Variants in NDUFA10 observed in about 807,000 individuals in gnomAD.
NDUFA10 encodes the protein NADH:ubiquinone oxidoreductase subunit A10.
NDUFA10 carries 40 observed loss-of-function variants against 47.8 expected under a neutral mutation model. The ratio of observed to expected loss-of-function variants is 0.84; its 90% CI spans 0.65 to 1.09. The LOEUF is 1.09. NDUFA10 is among the 50% of genes least tolerant of loss of function. The pLI is 0.00. For synonymous variants in NDUFA10, 183 were observed against 172.2 expected, an observed-to-expected ratio of 1.06 and a Z score of -0.49; for missense variants, 413 against 451.1, an observed-to-expected ratio of 0.92 and a Z score of 0.76.
At position 239,944,790 on chromosome 2, in the gene NDUFA10, C is replaced by G. The variant is rs1694416691; in HGVS notation, c.294+45284G>C. Among the ~76,000 whole-genome samples, 3 of 152,150 alleles carry G rather than the reference C, an allele frequency of 2.0e-5. No individual in the cohort carries two copies. The South Asian group carries it at 6.2e-4, about 32-fold the overall frequency. ...GCTCAAGGAGCAAGCTCTGTCCACG[C>G]CCAGAGCCACCTGCCCCTGTCCCCA... On this transcript the variant is annotated intron_variant, in intron 4 of 5. Coordinates refer to the NDUFA10 transcript ENST00000419408.
intron 4 of NDUFA10, among the ~76,000 whole-genome samples, chr2:239,903,730 C>A (rs1260220820): frequency 6.6e-6 from 1 of 152,176 alleles, no homozygotes; most frequent in Non-Finnish European, 1.5e-5. Flanking sequence ...AATTTCCTTC[C>A]CCATTGTCAA....
intron 1 of NDUFA10, among the ~76,000 whole-genome samples, chr2:240,022,873 C>T (rs564264262): frequency 3.0e-4 from 46 of 152,264 alleles, no homozygotes; most frequent in Non-Finnish European, 6.3e-4. Context: ...ATATCCTAGC[C>T]CCCAAGTCTG....
At chr2:239,943,664 C>G (rs1239810627) in intron 4 of NDUFA10, among the ~76,000 whole-genome samples, 1 of 152,200 alleles carries the variant, frequency 6.6e-6, no homozygotes, top group East Asian at 1.9e-4. Flanking sequence ...AGGGACAAAT[C>G]TTAGTCTCAT....
chr2:240,020,452 C>T (rs934631035), intron 3 of NDUFA10, among the ~76,000 whole-genome samples: 16 of 152,228 alleles, frequency 1.1e-4, no homozygotes, highest in Non-Finnish European at 2.2e-4. Context: ...TGCGGTCCAA[C>T]TCTCAGGATG....
intron 4 of NDUFA10, among the ~76,000 whole-genome samples, chr2:239,927,983 C>G (rs1366096333): frequency 1.3e-5 from 2 of 152,176 alleles, no homozygotes; most frequent in Admixed American, 6.5e-5. Context: ...TTTGCAATTT[C>G]TTGTGCATGT....
intron 9 of NDUFA10, among the ~76,000 whole-genome samples, chr2:239,974,310 G>A (rs926768405): frequency 6.6e-6 from 1 of 152,176 alleles, no homozygotes; most frequent in Non-Finnish European, 1.5e-5. Flanking sequence ...GTGGACAGGT[G>A]CCTGAGAGCC....
At chr2:239,991,339 A>G (rs1696238760) in intron 8 of NDUFA10, among the ~76,000 whole-genome samples, 2 of 152,228 alleles carry the variant, frequency 1.3e-5, no homozygotes, top group Non-Finnish European at 2.9e-5. Context: ...CCCCTCCAAG[A>G]AACTGCTGCC....
At chr2:239,982,019 G>C in intron 9 of NDUFA10, 1 of 1,504,456 alleles carries the variant, frequency 6.6e-7, no homozygotes, top group Non-Finnish European at 9.0e-7. Flanking sequence ...ATAACCGGCT[G>C]CCAACTACCT....
chr2:239,977,870 C>G (rs962646026), intron 9 of NDUFA10, among the ~76,000 whole-genome samples: 32 of 152,206 alleles, frequency 2.1e-4, no homozygotes, highest in African/African-American at 7.7e-4. Flanking sequence ...GCTCGCAGCA[C>G]CCTGGATGTA....
At chr2:240,007,117 A>G (rs990787496) in intron 7 of NDUFA10, among the ~76,000 whole-genome samples, 199 bp downstream of exon 7, 2 of 152,242 alleles carry the variant, frequency 1.3e-5, no homozygotes, top group Admixed American at 6.5e-5. Context: ...CAGATCGTAG[A>G]AACCGAATTA....
At chr2:239,993,568 A>C (rs2106449487) in intron 8 of NDUFA10, among the ~76,000 whole-genome samples, 1 of 152,340 alleles carries the variant, frequency 6.6e-6, no homozygotes, top group East Asian at 1.9e-4. Context: ...ATTCAGACCT[A>C]TGACTAAATG....
intron 8 of NDUFA10, among the ~76,000 whole-genome samples, chr2:239,990,496 A>G (rs1696200668): frequency 6.6e-6 from 1 of 152,242 alleles, no homozygotes; most frequent in African/African-American, 2.4e-5. Flanking sequence ...AGTGTGCTTT[A>G]AACACAGGAA....
Position 240,021,244 on chromosome 2 carries a change from C to T in NDUFA10, c.413G>A (p.Ser138Asn), listed in dbSNP as rs772552448. The change falls in exon 3 of 10, where the codon AGT (serine) becomes AAT (asparagine). Residue 138 changes from serine to asparagine, a missense_variant. Coordinates refer to ENST00000252711, the MANE Select transcript of NDUFA10 (RefSeq NM_004544.4). ...SYRLQSWLYS[S>N]RLLQYSDALE... ...GGCATCTGAGTACTGCAGCAGGCGA[C>T]TGCTGTACAACCAGGACTGCAGGCG... The T allele has an allele frequency of 2.5e-6, 4 of 1,614,118 alleles. No individual in the cohort carries two copies. The African/African-American group carries it at 4.0e-5, about 16-fold the overall frequency.
intron 9 of NDUFA10, chr2:239,973,410 A>C: frequency 2.3e-6 from 1 of 434,328 alleles, no homozygotes; most frequent in Non-Finnish European, 4.6e-6. Flanking sequence ...AACATATTAA[A>C]GTTAATAAAA....
At chr2:239,978,412 T>C (rs2106422906) in intron 9 of NDUFA10, among the ~76,000 whole-genome samples, 1 of 152,298 alleles carries the variant, frequency 6.6e-6, no homozygotes, top group Non-Finnish European at 1.5e-5. Context: ...CTGAAGCTCC[T>C]CTACAGGCTC....
At chr2:239,980,109 G>C (rs1695709768) in intron 9 of NDUFA10, among the ~76,000 whole-genome samples, 1 of 152,096 alleles carries the variant, frequency 6.6e-6, no homozygotes. Flanking sequence ...CAAGACCCTG[G>C]CACCCTGTTA....
chr2:239,924,690 C>G (rs1694041073), intron 4 of NDUFA10, among the ~76,000 whole-genome samples: 1 of 151,872 alleles, frequency 6.6e-6, no homozygotes, highest in African/African-American at 2.4e-5. Flanking sequence ...CAATGTAGGA[C>G]CAAAAATCCT....
intron 4 of NDUFA10, among the ~76,000 whole-genome samples, chr2:239,937,265 C>T (rs1316573540): frequency 6.6e-6 from 1 of 152,208 alleles, no homozygotes; most frequent in Non-Finnish European, 1.5e-5. Context: ...GTATGCAACT[C>T]GATGTTTTCA....
chr2:239,920,753 T>C (rs1693958965), intron 4 of NDUFA10, among the ~76,000 whole-genome samples: 1 of 152,104 alleles, frequency 6.6e-6, no homozygotes, highest in Admixed American at 6.6e-5. Context: ...GTGGTTTTGT[T>C]TCTTGCTTTT....
Sources: allele counts gnomAD v4.1 joint callset (sites outside exome capture counted in the v4.1 genomes callset), GRCh38; gene constraint gnomAD v4.1.1; transcripts MANE v1.5; gene names NCBI Gene and HGNC (gene_info 2026-07-23, HGNC 2026-07-21).